Variants in ITPK1 observed in about 807,000 individuals in gnomAD.
The protein encoded by ITPK1 is inositol-tetrakisphosphate 1-kinase.
A neutral mutation model predicts 45.3 loss-of-function variants in ITPK1; 21 were observed. The observed-to-expected ratio is 0.46, with a 90% confidence interval of 0.33 to 0.67. The LOEUF (loss-of-function observed/expected upper bound fraction) is 0.67, where lower values mean the gene tolerates loss of function less well. ITPK1 is among the 30% of genes least tolerant of loss of function. The pLI, the probability that ITPK1 is intolerant of heterozygous loss-of-function variation, is 0.02. For missense variants in ITPK1, 474 were observed against 573.5 expected (o/e 0.83, Z 1.77); for synonymous variants, 258 against 253.6 (o/e 1.02, Z -0.16).
At chr14:93,011,713 A>G (rs1487827948) in intron 4 of ITPK1, among the ~76,000 whole-genome samples, 2 of 152,068 alleles carry the variant, frequency 1.3e-5, no homozygotes, top group Non-Finnish European at 2.9e-5. Context: ...TGGGCACAAC[A>G]CTGAGCCTGG....
chr14:93,025,166 C>T (rs967016184), intron 3 of ITPK1, among the ~76,000 whole-genome samples: 8 of 152,062 alleles, frequency 5.3e-5, no homozygotes, highest in Admixed American at 1.3e-4. Context: ...TCCATCCTGC[C>T]GGCCACCGAC....
At chr14:92,957,893 T>A (rs755673474) in intron 8 of ITPK1, among the ~76,000 whole-genome samples, 1 of 152,162 alleles carries the variant, frequency 6.6e-6, no homozygotes, top group Non-Finnish European at 1.5e-5. Flanking sequence ...TGTTCCTCCA[T>A]GAATATCATT....
chr14:92,962,701 G>A (rs1037760587), intron 6 of ITPK1, 50 bp downstream of exon 6: 35 of 1,371,936 alleles, frequency 2.6e-5, no homozygotes, highest in Non-Finnish European at 3.6e-5. Flanking sequence ...CCCTATGCTG[G>A]CCTGCGGTCT....
chr14:93,064,568 G>A (rs1449621253), intron 3 of ITPK1, among the ~76,000 whole-genome samples: 1 of 152,174 alleles, frequency 6.6e-6, no homozygotes, highest in Non-Finnish European at 1.5e-5. Context: ...AGTGCTGAGT[G>A]AGCCCCATGC....
chr14:93,021,626 G>A (rs969617597), intron 3 of ITPK1, among the ~76,000 whole-genome samples: 4 of 135,900 alleles, frequency 2.9e-5, no homozygotes, highest in South Asian at 2.2e-4. Context: ...AAAAAGAAAC[G>A]AGCTTGGCCT....
In ITPK1 at chr14:93,076,746, C is replaced by T. The variant is rs1891237867; in HGVS notation, c.96-127G>A. On this transcript the variant is annotated intron_variant, in intron 2 of 10. Transcript: ENST00000267615. The surrounding 1 kb of genome is among the most constrained non-coding windows in gnomAD (Gnocchi z 4.3). The stretch of plus-strand genomic sequence containing the variant: ...TTCAGGAGGGAGCCGGCAGCTGCGC[C>T]TCTCCTGCTACTGTCCCAGAACAGC... The T allele has an allele frequency of 3.8e-6, 4 of 1,055,490 alleles. No homozygotes were observed. The highest frequency in any genetic ancestry group is 4.4e-6 in the Non-Finnish European group (3 of 688,236). 65.4% of individuals were successfully genotyped at this position (1,055,490 alleles called of 1,614,324 possible). A position where few individuals can be genotyped will look rare whatever the true frequency, so the allele number is the denominator to read the frequency against.
At chr14:93,082,016 C>G (rs1428357979) in intron 2 of ITPK1, among the ~76,000 whole-genome samples, 1 of 152,132 alleles carries the variant, frequency 6.6e-6, no homozygotes, top group Admixed American at 6.5e-5. Flanking sequence ...TCATCGCACT[C>G]CGGGTGTTGC....
intron 5 of ITPK1, among the ~76,000 whole-genome samples, chr14:92,987,067 C>G (rs1458763553): frequency 6.6e-6 from 1 of 152,194 alleles, no homozygotes; most frequent in Non-Finnish European, 1.5e-5. Flanking sequence ...CTTAGGAGGC[C>G]TGGACCTGAC....
intron 3 of ITPK1, among the ~76,000 whole-genome samples, chr14:93,030,908 C>T (rs1889013755): frequency 6.6e-6 from 1 of 152,156 alleles, no homozygotes; most frequent in African/African-American, 2.4e-5. Context: ...AAAGGAGGAA[C>T]ATCGTGAGGA....
At chr14:93,046,200 T>C (rs1237280197) in intron 3 of ITPK1, among the ~76,000 whole-genome samples, 1 of 152,218 alleles carries the variant, frequency 6.6e-6, no homozygotes, top group African/African-American at 2.4e-5. Flanking sequence ...AACAGGACTT[T>C]CTTGTGGCCA....
At chr14:92,944,503 C>G (rs551057136) in intron 10 of ITPK1, among the ~76,000 whole-genome samples, 1 of 152,232 alleles carries the variant, frequency 6.6e-6, no homozygotes, top group South Asian at 2.1e-4. Context: ...ACCCATAGAT[C>G]GCGACCATCT....
rs532379248 is a variant in ITPK1, at chr14:93,019,951, C to CA, written c.121-3151dup. 2.4e-3 allele frequency among the ~76,000 whole-genome samples: 361 copies of CA among 152,346 alleles called. 1 individual carries two copies. Among genetic ancestry groups the CA allele is most frequent in the Non-Finnish European group, 3.7e-3 (253 of 68,034 alleles). On this transcript the variant is annotated intron_variant, in intron 3 of 10. Transcript: ENST00000267615. ...ATTCCCAGGGACTTCTTGTTCTCCT[C>CA]AGAGGACGGGGTCTGGTTTGTCCCT... is the stretch of plus-strand genomic sequence containing the variant.
intron 5 of ITPK1, among the ~76,000 whole-genome samples, chr14:92,975,436 T>C (rs1885891900): frequency 6.6e-6 from 1 of 151,838 alleles, no homozygotes; most frequent in African/African-American, 2.4e-5. Flanking sequence ...GGACTATGCC[T>C]GCCTTGCTCA....
chr14:92,994,137 T>C (rs1886931349), intron 4 of ITPK1, 140 bp from the exon 5 acceptor site: 1 of 620,444 alleles, frequency 1.6e-6, no homozygotes, highest in Non-Finnish European at 3.0e-6. Flanking sequence ...ATTCCAGCAC[T>C]GGGACATTTC....
chr14:92,967,741 T>C (rs1354053067), intron 5 of ITPK1, among the ~76,000 whole-genome samples: 1 of 152,208 alleles, frequency 6.6e-6, no homozygotes, highest in Non-Finnish European at 1.5e-5. Context: ...GAACAAAGTA[T>C]TGAGACATGC....
At position 92,941,738 on chromosome 14, in the gene ITPK1, G is replaced by A. The variant is rs753632511; in HGVS notation, c.1068C>T (p.Ser356=). 3.6e-5 allele frequency: 58 copies of A among 1,595,160 alleles called. No homozygotes were observed. Among genetic ancestry groups the A allele is most frequent in the East Asian group, 2.5e-4 (11 of 44,156 alleles). The change falls in exon 11 of 11, where the codon AGC becomes AGT. Residue 356 remains serine, a synonymous_variant. Transcript: ENST00000267615. ...TGCTGCCGCAGCAGCCGGGGCTGGC[G>A]CTGCATGTCCGCTCGCCCACCAGGC... is the stretch of plus-strand genomic sequence containing the variant. ...AGGLVGERTC[S]ASPGCCGSMM...
intron 2 of ITPK1, among the ~76,000 whole-genome samples, chr14:93,096,224 TC>T (rs1892073736): frequency 6.6e-6 from 1 of 152,210 alleles, no homozygotes; most frequent in African/African-American, 2.4e-5. Flanking sequence ...GCCCCAGCTT[TC>T]TGCGACTGAC....
At chr14:92,999,808 G>A (rs1038999166) in intron 4 of ITPK1, among the ~76,000 whole-genome samples, 63 of 152,184 alleles carry the variant, frequency 4.1e-4, no homozygotes, top group African/African-American at 1.3e-3. Flanking sequence ...TTACCCCAAA[G>A]CAAGGGCTTT....
intron 2 of ITPK1, among the ~76,000 whole-genome samples, chr14:93,111,729 C>T (rs940119380): frequency 7.0e-6 from 1 of 141,846 alleles, no homozygotes; most frequent in Non-Finnish European, 1.5e-5. Context: ...AAAAAAAAAG[C>T]CACAAAGAGG....
Sources: gnomAD v4.1 joint callset for allele counts (sites outside exome capture counted in the v4.1 genomes callset) on GRCh38, gnomAD v4.1.1 for gene constraint, Gnocchi (gnomAD v3.1) non-coding constraint, MANE v1.5 for transcripts, NCBI Gene and HGNC (gene_info 2026-07-23, HGNC 2026-07-21) for gene names.